USP9X: variants seen among roughly 807,000 people sequenced by gnomAD.
USP9X encodes the protein ubiquitin specific peptidase 9 X-linked.
Under a neutral mutation model 190.3 loss-of-function variants are expected in USP9X, and 7 were observed. That is an observed-to-expected ratio of 0.04 (90% CI 0.02 to 0.07). USP9X has a LOEUF of 0.07. Ranked by LOEUF, USP9X falls within the 10% of genes least tolerant of loss-of-function variation. The pLI is 1.00. For synonymous variants in USP9X, 645 were observed against 659.5 expected, an observed-to-expected ratio of 0.98 and a Z score of 0.34; for missense variants, 1,010 against 1,916.9, an observed-to-expected ratio of 0.53 and a Z score of 8.83.
At chrX:41,230,688 A>G (rs2063353035) in intron 44 of USP9X, 92 bp downstream of exon 44, 1 of 755,945 alleles carries the variant, frequency 1.3e-6, no homozygotes, top group African/African-American at 2.1e-5. Context: ...GTGACTACAA[A>G]GTAAGAAGTA....
intron 1 of USP9X, among the ~76,000 whole-genome samples, chrX:41,117,132 A>G (rs893111014): frequency 1.8e-5 from 2 of 111,616 alleles, no homozygotes; most frequent in African/African-American, 3.3e-5. Context: ...AGGCGAGACT[A>G]TATAAGAGAT....
At chrX:41,174,072 A>G (rs1327740894) in intron 21 of USP9X, among the ~76,000 whole-genome samples, 1 of 112,192 alleles carries the variant, frequency 8.9e-6, no homozygotes, top group East Asian at 2.8e-4. Flanking sequence ...GTATGGGTTT[A>G]TAGCCTAGGA....
intron 1 of USP9X, among the ~76,000 whole-genome samples, chrX:41,118,132 C>T (rs1473801862): frequency 1.8e-5 from 2 of 112,327 alleles, no homozygotes; most frequent in Non-Finnish European, 3.8e-5. Context: ...GCTGGGATTA[C>T]AGGCGTGAAA....
At chrX:41,175,706 C>G (rs993985681) in intron 21 of USP9X, among the ~76,000 whole-genome samples, 1 of 110,471 alleles carries the variant, frequency 9.1e-6, no homozygotes, top group African/African-American at 3.3e-5. Context: ...CTCCCTGGCT[C>G]TCTAAGCAGT....
chrX:41,124,901 A>C (rs1318636013), intron 2 of USP9X, among the ~76,000 whole-genome samples: 3 of 111,887 alleles, frequency 2.7e-5, no homozygotes, highest in African/African-American at 9.8e-5. Flanking sequence ...TTAATGCTAA[A>C]CATAGATTTT....
At chrX:41,094,184 C>CT (rs56901756) in intron 1 of USP9X, among the ~76,000 whole-genome samples, 17 of 100,101 alleles carry the variant, frequency 1.7e-4, no homozygotes, top group Admixed American at 6.7e-4. Flanking sequence ...TTTCTTTTTT[C>CT]TTTTTTTTTG....
Position 41,198,429 on chromosome X carries a change from TCCAATG to T in USP9X, c.4381-98_4381-93del. 276 of 481,379 alleles carry T rather than the reference TCCAATG, an allele frequency of 5.7e-4. 31 individuals carry two copies. The highest frequency in any genetic ancestry group is 2.5e-3 in the East Asian group (41 of 16,127). The allele number at this position is 481,379 out of a possible 1,213,427, so 39.7% of individuals were successfully genotyped here. A position where few individuals can be genotyped will look rare whatever the true frequency, so the allele number is the denominator to read the frequency against. ...TCTGAGATGTAATGAGATCTTAAAT[TCCAATG>T]AGTAATTTTAAAATGATTTACTTAC... On this transcript the variant is annotated intron_variant, in intron 29 of 44. Transcript: ENST00000378308.
At chrX:41,230,384 G>T (rs1225845466) in intron 43 of USP9X, 117 bp from the exon 44 acceptor site, 13 of 517,606 alleles carry the variant, frequency 2.5e-5, no homozygotes, top group Non-Finnish European at 3.6e-5. Context: ...TGCAGTAAAA[G>T]AAAAGTTGCT....
intron 35 of USP9X, 38 bp downstream of exon 35, chrX:41,216,690 A>T (rs1197272984): frequency 8.8e-7 from 1 of 1,139,680 alleles, no homozygotes; most frequent in Admixed American, 2.6e-5. Flanking sequence ...AGTAATAAAG[A>T]ATAATTTATA....
intron 21 of USP9X, among the ~76,000 whole-genome samples, chrX:41,177,056 T>C (rs1974171401): frequency 8.9e-6 from 1 of 112,552 alleles, no homozygotes; most frequent in South Asian, 3.6e-4. Flanking sequence ...TTTCCTAACA[T>C]TTGGAGAACA....
intron 33 of USP9X, among the ~76,000 whole-genome samples, chrX:41,213,442 C>T: frequency 8.9e-6 from 1 of 112,210 alleles, no homozygotes; most frequent in Non-Finnish European, 1.9e-5. Flanking sequence ...GTGTTCTGAA[C>T]ACATTTAGGG....
At chrX:41,200,850 T>C (rs1395098592) in intron 30 of USP9X, among the ~76,000 whole-genome samples, 3 of 111,976 alleles carry the variant, frequency 2.7e-5, no homozygotes, top group Non-Finnish European at 3.8e-5. Flanking sequence ...TTGCGGGTGA[T>C]TGGATAAGAA....
chrX:41,151,159 G>T, intron 13 of USP9X, 102 bp downstream of exon 13: 1 of 800,318 alleles, frequency 1.2e-6, no homozygotes, highest in Non-Finnish European at 1.7e-6. Flanking sequence ...TAAATTAGTG[G>T]AGTGAGAAGA....
Position 41,216,390 on chromosome X carries a change from C to A in USP9X, c.5823C>A (p.Arg1941=). Residue 1941 remains arginine, a synonymous_variant, in exon 35 of 45, where the codon CGC becomes CGA. Coordinates refer to ENST00000378308, the MANE Select transcript of USP9X (RefSeq NM_001039591.3). ...TGATGAAGCGTATGTCATACAGGCGCCAGAAAAGGTGGTGGAATGCTTATA... is the reference window on the plus strand; with the variant it reads ...TGATGAAGCGTATGTCATACAGGCGACAGAAAAGGTGGTGGAATGCTTATA... ...DHMMKRMSYR[R]QKRWWNAYIL... 7 of 1,210,967 alleles carry A rather than the reference C, an allele frequency of 5.8e-6. No homozygotes were observed. Among genetic ancestry groups the A allele is most frequent in the Non-Finnish European group, 7.8e-6 (7 of 895,339 alleles).
At chrX:41,159,721 G>T (rs910440692) in intron 14 of USP9X, among the ~76,000 whole-genome samples, 9 of 109,960 alleles carry the variant, frequency 8.2e-5, no homozygotes, top group African/African-American at 2.3e-4. Flanking sequence ...AAACGGTTTC[G>T]CCATGTTGGC....
chrX:41,199,600 T>TG (rs1226430286), intron 30 of USP9X, among the ~76,000 whole-genome samples: 27 of 110,656 alleles, frequency 2.4e-4, no homozygotes, highest in Non-Finnish European at 4.4e-4. Context: ...TGGCTAATAT[T>TG]GTATTTTTAG....
chrX:41,095,030 C>T (rs765344353), intron 1 of USP9X, among the ~76,000 whole-genome samples: 1 of 102,271 alleles, frequency 9.8e-6, no homozygotes, highest in South Asian at 4.6e-4. Context: ...GGTGACAGAG[C>T]GAGACTCCGT....
chrX:41,225,172 CT>C (rs1172632158), intron 41 of USP9X, 35 bp downstream of exon 41: 1 of 1,165,056 alleles, frequency 8.6e-7, no homozygotes, highest in Non-Finnish European at 1.2e-6. Context: ...AACAATTAGG[CT>C]TGCCCAGGTG....
chrX:41,233,584 C>T lies in USP9X; in HGVS notation c.*1060C>T, dbSNP rs1038767361. On this transcript the variant is annotated 3_prime_UTR_variant, in exon 45 of 45. Coordinates refer to ENST00000378308, the MANE Select transcript of USP9X (RefSeq NM_001039591.3). ...TGGATCCCAGTGACGTGGAAGTCAT[C>T]AGAACCCCACGGTACTTGGAGTACC... The T allele has an allele frequency of 1.8e-5, 2 of 112,091 alleles. No homozygotes were observed. The highest frequency in any genetic ancestry group is 3.8e-5 in the Non-Finnish European group (2 of 53,200). 9.2% of individuals were successfully genotyped at this position (112,091 alleles called of 1,213,427 possible).
Sources: gnomAD v4.1 joint callset for allele counts (sites outside exome capture counted in the v4.1 genomes callset) on GRCh38, gnomAD v4.1.1 for gene constraint, MANE v1.5 for transcripts, NCBI Gene and HGNC (gene_info 2026-07-23, HGNC 2026-07-21) for gene names.